The following SLC6A11 variants were observed in gnomAD, a reference collection of about 807,000 sequenced individuals.
SLC6A11 encodes the protein solute carrier family 6 member 11, also known as sodium- and chloride-dependent GABA transporter 3.
A neutral mutation model predicts 74.8 loss-of-function variants in SLC6A11; 25 were observed. The ratio of observed to expected loss-of-function variants is 0.33; its 90% confidence interval spans 0.24 to 0.47. SLC6A11 has a LOEUF of 0.47. SLC6A11 is among the 20% of genes least tolerant of loss of function. SLC6A11 has a pLI of 1.00. For missense variants in SLC6A11, 574 were observed against 837.0 expected (o/e 0.69, Z 3.88); for synonymous variants, 330 against 330.2 (o/e 1.00, Z 0.01).
intron 5 of SLC6A11, among the ~76,000 whole-genome samples, chr3:10,858,088 C>T (rs1481181843): frequency 6.6e-6 from 1 of 152,122 alleles, no homozygotes; most frequent in Non-Finnish European, 1.5e-5. Flanking sequence ...AGAATCACCA[C>T]GAATGCAATA....
chr3:10,906,747 C>T (rs897003502), intron 6 of SLC6A11, among the ~76,000 whole-genome samples: 3 of 151,998 alleles, frequency 2.0e-5, no homozygotes, highest in East Asian at 1.9e-4. Context: ...GACAGAGACA[C>T]TAGAGGAAAT....
At chr3:10,844,099 C>A in intron 4 of SLC6A11, 115 bp from the exon 5 acceptor site, 1 of 1,289,318 alleles carries the variant, frequency 7.8e-7, no homozygotes, top group Non-Finnish European at 1.1e-6. Flanking sequence ...ACATTTGGCC[C>A]ACGGTGGACG....
chr3:10,856,684 C>G (rs1270331191), intron 5 of SLC6A11, among the ~76,000 whole-genome samples: 1 of 152,150 alleles, frequency 6.6e-6, no homozygotes, highest in Non-Finnish European at 1.5e-5. Context: ...AAACATTCAC[C>G]CACCCACCAG....
At chr3:10,837,788 C>T (rs1297324116) in intron 4 of SLC6A11, among the ~76,000 whole-genome samples, 1 of 152,202 alleles carries the variant, frequency 6.6e-6, no homozygotes, top group Non-Finnish European at 1.5e-5. Context: ...GGCTGAGTCC[C>T]TGGCTTGGTT....
chr3:10,819,389 T>C, intron 1 of SLC6A11, 76 bp from the exon 2 acceptor site: 1 of 1,403,000 alleles, frequency 7.1e-7, no homozygotes, highest in Non-Finnish European at 9.8e-7. Context: ...CTGTAGTAGA[T>C]GTTTATTAAA....
At chr3:10,849,582 A>G (rs1694546617) in intron 5 of SLC6A11, among the ~76,000 whole-genome samples, 1 of 152,228 alleles carries the variant, frequency 6.6e-6, no homozygotes, top group Non-Finnish European at 1.5e-5. Context: ...TTAGCTCCCT[A>G]GCACCTCCAG....
chr3:10,880,825 C>T (rs991203298), intron 6 of SLC6A11, among the ~76,000 whole-genome samples: 1 of 152,142 alleles, frequency 6.6e-6, no homozygotes, highest in Admixed American at 6.5e-5. Context: ...AGCAACCCTT[C>T]CTTAATTTGT....
At chr3:10,858,649 T>C (rs1274096199) in intron 5 of SLC6A11, among the ~76,000 whole-genome samples, 3 of 152,250 alleles carry the variant, frequency 2.0e-5, no homozygotes, top group Admixed American at 6.5e-5. Flanking sequence ...GTGGGCACAC[T>C]GAGGCTTAGC....
At position 10,823,408 on chromosome 3, in the gene SLC6A11, C is replaced by G; in HGVS notation, c.623+16C>G. The G allele has an allele frequency of 2.0e-6, 3 of 1,537,916 alleles. No homozygotes were observed. The highest frequency in any genetic ancestry group is 1.4e-5 in the African/African-American group (1 of 73,614). ...AGTTTTGGGAGTAAGTGGAGAAGAACTTGTCTCCCTTGGCCTGTGGGGGCT... is the reference window on the plus strand; with the variant it reads ...AGTTTTGGGAGTAAGTGGAGAAGAAGTTGTCTCCCTTGGCCTGTGGGGGCT... On this transcript the variant is annotated intron_variant, in intron 4 of 13. Transcript: ENST00000254488.
intron 8 of SLC6A11, among the ~76,000 whole-genome samples, chr3:10,924,293 C>T (rs1430755561): frequency 6.6e-6 from 1 of 152,026 alleles, no homozygotes; most frequent in Non-Finnish European, 1.5e-5. Flanking sequence ...GCCTCTATAC[C>T]ATATGGCAAT....
intron 6 of SLC6A11, among the ~76,000 whole-genome samples, chr3:10,886,284 C>T (rs1695041531): frequency 6.6e-6 from 1 of 152,238 alleles, no homozygotes; most frequent in Non-Finnish European, 1.5e-5. Context: ...TGGCTGCATC[C>T]TCTTGCTTCA....
intron 4 of SLC6A11, chr3:10,824,945 A>G (rs1188605231): frequency 1.3e-5 from 2 of 152,206 alleles, no homozygotes; most frequent in Non-Finnish European, 2.9e-5. Flanking sequence ...GCACTTTGGG[A>G]AGCCGAGGTG....
In SLC6A11 at chr3:10,848,340, G is replaced by C. The variant is rs568492392; in HGVS notation, c.756+3994G>C. 2.2e-3 allele frequency among the ~76,000 whole-genome samples: 336 copies of C among 152,326 alleles called. 3 individuals are homozygous for C. The highest frequency in any genetic ancestry group is 3.8e-3 in the Admixed American group (58 of 15,310). On this transcript the variant is annotated intron_variant, in intron 5 of 13. Coordinates refer to ENST00000254488, the MANE Select transcript of SLC6A11 (RefSeq NM_014229.3). ...TAAGAACACCAGAGGTGAAGTCCAG[G>C]AAGCGCTGGCATTAGCATCTCCTTG...
At chr3:10,868,313 G>C (rs900580623) in intron 5 of SLC6A11, among the ~76,000 whole-genome samples, 1 of 152,146 alleles carries the variant, frequency 6.6e-6, no homozygotes, top group Admixed American at 6.5e-5. Context: ...TCTTAGGGTG[G>C]GGTGGCCCTT....
chr3:10,933,994 T>C (rs995623753), intron 11 of SLC6A11, 72 bp from the exon 12 acceptor site: 1 of 996,260 alleles, frequency 1.0e-6, no homozygotes, highest in Admixed American at 1.7e-5. Flanking sequence ...CAAACACTCC[T>C]AGCCATTCCT....
intron 5 of SLC6A11, among the ~76,000 whole-genome samples, chr3:10,862,562 C>A (rs574621861): frequency 6.6e-6 from 1 of 152,322 alleles, no homozygotes; most frequent in East Asian, 1.9e-4. Context: ...GTGCTTGTGT[C>A]TTTCCTTGGA....
intron 6 of SLC6A11, among the ~76,000 whole-genome samples, chr3:10,884,798 C>T (rs542659996): frequency 6.6e-6 from 1 of 152,306 alleles, no homozygotes; most frequent in East Asian, 1.9e-4. Context: ...CAGTTGGCCC[C>T]TCTGAGAGGG....
At chr3:10,840,590 G>A (rs77113778) in intron 4 of SLC6A11, among the ~76,000 whole-genome samples, 36 of 152,292 alleles carry the variant, frequency 2.4e-4, no homozygotes, top group African/African-American at 4.6e-4. Context: ...GCCATGTTCC[G>A]TACAATCCTC....
At chr3:10,885,310 G>T (rs1427640361) in intron 6 of SLC6A11, among the ~76,000 whole-genome samples, 1 of 152,016 alleles carries the variant, frequency 6.6e-6, no homozygotes, top group African/African-American at 2.4e-5. Context: ...TAGAAATCTG[G>T]ACTGTTCCCA....
Sources: gnomAD v4.1 joint callset for allele counts (sites outside exome capture counted in the v4.1 genomes callset) on GRCh38, gnomAD v4.1.1 for gene constraint, MANE v1.5 for transcripts, NCBI Gene and HGNC (gene_info 2026-07-23, HGNC 2026-07-21) for gene names.